Variants in FARP1 observed in about 807,000 individuals in gnomAD.
The protein encoded by FARP1 is FERM, ARHGEF and pleckstrin domain-containing protein 1.
FARP1 carries 52 observed loss-of-function variants against 128.8 expected under a neutral mutation model. That is an observed-to-expected ratio of 0.40 (90% CI 0.32 to 0.51). The LOEUF (loss-of-function observed/expected upper bound fraction) is 0.51. FARP1 is among the 20% of genes least tolerant of loss of function. The pLI is 0.45. For synonymous variants in FARP1, 580 were observed against 551.8 expected (o/e 1.05, Z -0.72); for missense variants, 1,333 against 1,367.9 (o/e 0.97, Z 0.40).
At chr13:98,195,548 C>T (rs116404581) in intron 1 of FARP1, among the ~76,000 whole-genome samples, 2,686 of 152,182 alleles carry the variant, frequency 0.018, 77 homozygotes, top group African/African-American at 0.061. Flanking sequence ...GCATCCAGAG[C>T]GTTGTTGGAG....
intron 2 of FARP1, among the ~76,000 whole-genome samples, chr13:98,239,201 G>T (rs1882618489): frequency 6.6e-6 from 1 of 152,188 alleles, no homozygotes. Context: ...GGAGAAAGGA[G>T]CCCCAAGGGA....
Position 98,176,750 on chromosome 13 carries a change from A to G in FARP1, c.-24+33258A>G. The stretch of plus-strand genomic sequence containing the variant: ...ATCCCCGAGGAGGAGTTGCCCATGG[A>G]CGTGTCCTTGGGCTTCAGGTACCTC... On this transcript the variant is annotated intron_variant, in intron 1 of 26. Coordinates refer to ENST00000319562, the MANE Select transcript of FARP1 (RefSeq NM_005766.4). This position sits in a 1 kb window ranked among gnomAD's most constrained non-coding sequence, Gnocchi z 6.2. 6.2e-7 allele frequency: 1 copy of G among 1,613,976 alleles called. No homozygotes were observed. Among genetic ancestry groups the G allele is most frequent in the Non-Finnish European group, 8.5e-7 (1 of 1,180,008 alleles).
chr13:98,350,083 G>A (rs1888350157), intron 3 of FARP1, among the ~76,000 whole-genome samples: 1 of 152,154 alleles, frequency 6.6e-6, no homozygotes, highest in Admixed American at 6.6e-5. Flanking sequence ...GCCTGCAGCT[G>A]TGGGAAGCCA....
intron 2 of FARP1, among the ~76,000 whole-genome samples, chr13:98,336,681 C>A (rs1306608567): frequency 1.3e-5 from 2 of 152,162 alleles, no homozygotes; most frequent in South Asian, 4.1e-4. Context: ...TGCGTACTTG[C>A]CAGGCTTTCC....
At chr13:98,321,483 G>C (rs1195090969) in intron 2 of FARP1, among the ~76,000 whole-genome samples, 1 of 152,204 alleles carries the variant, frequency 6.6e-6, no homozygotes, top group African/African-American at 2.4e-5. Context: ...GATTATCCAG[G>C]GTTGTGGTAT....
At chr13:98,410,217 C>T (rs1481821889) in intron 14 of FARP1, among the ~76,000 whole-genome samples, 1 of 152,226 alleles carries the variant, frequency 6.6e-6, no homozygotes, top group African/African-American at 2.4e-5. Flanking sequence ...GCCTCCTCCA[C>T]GGTGGGGCTG....
intron 1 of FARP1, among the ~76,000 whole-genome samples, chr13:98,164,739 C>T (rs1877121522): frequency 6.6e-6 from 1 of 152,086 alleles, no homozygotes; most frequent in Non-Finnish European, 1.5e-5. Flanking sequence ...GGAAGATCTC[C>T]AAAATAGAGC....
chr13:98,375,316 T>C (rs576428866), intron 5 of FARP1, among the ~76,000 whole-genome samples: 27 of 152,370 alleles, frequency 1.8e-4, no homozygotes, highest in Admixed American at 1.6e-3. Context: ...ATAATTTCTT[T>C]AGAGTTTGTG....
intron 2 of FARP1, among the ~76,000 whole-genome samples, chr13:98,305,861 C>CTTTTTTTTT (rs34016297): frequency 6.7e-6 from 1 of 149,698 alleles, no homozygotes. Context: ...ATTACTTTCC[C>CTTTTTTTTT]TTTTTTTTTT....
Position 98,176,151 on chromosome 13 carries a change from C to G in FARP1, c.-24+32659C>G, listed in dbSNP as rs1367259211. On this transcript the variant is annotated intron_variant, in intron 1 of 26. Transcript: ENST00000319562. The surrounding 1 kb of genome is among the most constrained non-coding windows in gnomAD (Gnocchi z 6.2). The stretch of plus-strand genomic sequence containing the variant: ...TGCTTCTCCCCAGTGTACATACAGA[C>G]TTGAGTCTTTCTTATCTCTTTTTTC... The G allele has an allele frequency of 2.5e-6, 4 of 1,605,854 alleles. No homozygotes were observed. Among genetic ancestry groups the G allele is most frequent in the Non-Finnish European group, 3.4e-6 (4 of 1,173,018 alleles).
At chr13:98,263,748 T>C (rs1160378913) in intron 2 of FARP1, among the ~76,000 whole-genome samples, 1 of 152,254 alleles carries the variant, frequency 6.6e-6, no homozygotes, top group Non-Finnish European at 1.5e-5. Context: ...ATATGTTCTC[T>C]GAATATTAAA....
chr13:98,308,011 T>A (rs1302171064), intron 2 of FARP1, among the ~76,000 whole-genome samples: 5 of 92,274 alleles, frequency 5.4e-5, no homozygotes, highest in South Asian at 4.1e-4. Context: ...CCTGCCCCCC[T>A]CCGCCCGCCC....
rs77035762 is a variant in FARP1 at position 98,239,481 on chromosome 13, C to G, written c.171+26068C>G. On this transcript the variant is annotated intron_variant, in intron 2 of 26. Transcript: ENST00000319562. ...TTTTATCCAGCATTTTTAGCTGTTT[C>G]ATACGATTTCTACACTGTGGAATCA... Among the ~76,000 whole-genome samples the G allele has an allele frequency of 6.3e-3, 959 of 152,306 alleles. 15 individuals carry two copies. The highest frequency in any genetic ancestry group is 0.022 in the African/African-American group (932 of 41,570).
At chr13:98,239,186 C>A (rs1229964035) in intron 2 of FARP1, among the ~76,000 whole-genome samples, 1 of 152,064 alleles carries the variant, frequency 6.6e-6, no homozygotes, top group Non-Finnish European at 1.5e-5. Flanking sequence ...AGATACTTAC[C>A]CTATGGAGAA....
intron 1 of FARP1, among the ~76,000 whole-genome samples, chr13:98,177,518 G>A (rs1251027737): frequency 6.6e-6 from 1 of 151,974 alleles, no homozygotes; most frequent in Non-Finnish European, 1.5e-5. Flanking sequence ...GTGGTGGCGT[G>A]CGCCTGAAGT....
At chr13:98,374,869 G>A (rs1889511919) in intron 5 of FARP1, among the ~76,000 whole-genome samples, 1 of 152,214 alleles carries the variant, frequency 6.6e-6, no homozygotes, top group Non-Finnish European at 1.5e-5. Context: ...ATCACATGGT[G>A]GGAGAGGAGG....
chr13:98,180,029 C>CAGGCTAGGGAA (rs1338631816), intron 1 of FARP1, among the ~76,000 whole-genome samples: 2 of 152,038 alleles, frequency 1.3e-5, no homozygotes, highest in African/African-American at 2.4e-5. Flanking sequence ...AAAGGGTAGC[C>CAGGCTAGGGAA]AGGCTAGGGA....
chr13:98,244,588 T>C (rs1392894391), intron 2 of FARP1: 13 of 1,614,196 alleles, frequency 8.1e-6, no homozygotes, highest in Non-Finnish European at 1.1e-5. Context: ...TCACATCTAA[T>C]TGAGAAGTTT....
At position 98,311,570 on chromosome 13, in the gene FARP1, CGT is replaced by C. The variant is rs546783985; in HGVS notation, c.172-32180_172-32179del. On this transcript the variant is annotated intron_variant, in intron 2 of 26. Coordinates refer to ENST00000319562, the MANE Select transcript of FARP1 (RefSeq NM_005766.4). Reference sequence around the variant, plus strand: ...GGTGCTGTGTGTGTGTGTGCATGTGCGTGTGTGTGTGTGCACACACGTGCACA... The same window carrying C: ...GGTGCTGTGTGTGTGTGTGCATGTGCGTGTGTGTGTGCACACACGTGCACA... Among the ~76,000 whole-genome samples the C allele has an allele frequency of 4.9e-3, 624 of 126,304 alleles. 6 individuals carry two copies. In the South Asian group the frequency reaches 0.079, roughly 16 times the overall value. 82.9% of individuals were successfully genotyped at this position (126,304 alleles called of 152,430 possible).
Sources: allele counts gnomAD v4.1 joint callset (sites outside exome capture counted in the v4.1 genomes callset), GRCh38; gene constraint gnomAD v4.1.1; non-coding constraint Gnocchi (gnomAD v3.1); transcripts MANE v1.5; gene names NCBI Gene and HGNC (gene_info 2026-07-23, HGNC 2026-07-21).